The following ECT2L variants were observed in gnomAD, a reference collection of about 807,000 sequenced individuals.
ECT2L encodes epithelial cell-transforming sequence 2 oncogene-like.
In ECT2L, 126 loss-of-function variants were observed where a neutral mutation model predicts 122.8. That is an observed-to-expected ratio of 1.03 (90% CI 0.89 to 1.19). The LOEUF (loss-of-function observed/expected upper bound fraction) is 1.19. Ranked by LOEUF, ECT2L falls within the 50% of genes most tolerant of loss-of-function variation. The probability of loss-of-function intolerance (pLI) is 0.00; values close to 1 mark genes in which losing one functional copy is unlikely to be tolerated. For missense variants in ECT2L, 1,012 were observed against 1,064.1 expected, an observed-to-expected ratio of 0.95 and a Z score of 0.68; for synonymous variants, 385 against 381.8, an observed-to-expected ratio of 1.01 and a Z score of -0.10.
intron 1 of ECT2L, among the ~76,000 whole-genome samples, chr6:138,801,807 G>A (rs1220017434): frequency 6.6e-6 from 1 of 152,054 alleles, no homozygotes; most frequent in East Asian, 1.9e-4. Context: ...GAAAAATACT[G>A]AGTAAATATG....
At chr6:138,806,161 A>T (rs1378140854) in intron 1 of ECT2L, among the ~76,000 whole-genome samples, 1 of 152,178 alleles carries the variant, frequency 6.6e-6, no homozygotes, top group African/African-American at 2.4e-5. Flanking sequence ...GAGACCTGTG[A>T]GCTCAAAAGA....
intron 16 of ECT2L, among the ~76,000 whole-genome samples, chr6:138,883,226 G>C: frequency 6.6e-6 from 1 of 152,184 alleles, no homozygotes; most frequent in Admixed American, 6.5e-5. Flanking sequence ...CTCTCATGTA[G>C]AAAATAAATT....
intron 12 of ECT2L, among the ~76,000 whole-genome samples, chr6:138,866,143 T>C (rs973859212): frequency 6.9e-6 from 1 of 145,838 alleles, no homozygotes; most frequent in Non-Finnish European, 1.5e-5. Flanking sequence ...GAAAGTATTT[T>C]TCATAGTTTT....
intron 1 of ECT2L, among the ~76,000 whole-genome samples, chr6:138,806,369 G>C (rs886721797): frequency 2.0e-5 from 3 of 152,066 alleles, no homozygotes; most frequent in African/African-American, 7.2e-5. Context: ...GTCTCTTTGA[G>C]ACAGGTCCTT....
At position 138,887,551 on chromosome 6, in the gene ECT2L, CAT is replaced by C. The variant is rs1026718821; in HGVS notation, c.2325+632_2325+633del. 6.0e-4 allele frequency among the ~76,000 whole-genome samples: 91 copies of C among 152,298 alleles called. 1 individual carries two copies. Among genetic ancestry groups the C allele is most frequent in the African/African-American group, 2.0e-3 (85 of 41,560 alleles). On this transcript the variant is annotated intron_variant, in intron 19 of 21. Coordinates refer to ENST00000541398, the MANE Select transcript of ECT2L (RefSeq NM_001077706.3). ...GTTCTACTTGTTTTCTATCTCCCTG[CAT>C]ATGATACCTGGTGCAGGATTCTGCA...
chr6:138,861,131 A>T (rs999155393), intron 10 of ECT2L, among the ~76,000 whole-genome samples: 9 of 152,158 alleles, frequency 5.9e-5, no homozygotes, highest in African/African-American at 2.2e-4. Context: ...TCTACGAATG[A>T]TGGACATTTG....
At chr6:138,806,954 GA>G (rs1775730616) in intron 1 of ECT2L, among the ~76,000 whole-genome samples, 1 of 151,566 alleles carries the variant, frequency 6.6e-6, no homozygotes, top group African/African-American at 2.4e-5. Flanking sequence ...GTAAACTAGA[GA>G]AAAAAATGTT....
intron 14 of ECT2L, among the ~76,000 whole-genome samples, chr6:138,877,471 A>G (rs938470643): frequency 4.6e-5 from 7 of 152,228 alleles, no homozygotes; most frequent in Non-Finnish European, 1.0e-4. Flanking sequence ...GTTCAAAATG[A>G]TTATAAATGT....
intron 9 of ECT2L, among the ~76,000 whole-genome samples, chr6:138,851,026 G>C (rs1327909409): frequency 3.4e-5 from 4 of 118,732 alleles, no homozygotes; most frequent in African/African-American, 1.2e-4. Flanking sequence ...AAAAAAAAGA[G>C]AAAGAGAGAA....
chr6:138,889,880 T>G (rs1401275392), intron 20 of ECT2L, among the ~76,000 whole-genome samples: 4 of 152,214 alleles, frequency 2.6e-5, no homozygotes, highest in Non-Finnish European at 4.4e-5. Flanking sequence ...AAGGTTCACA[T>G]AGTAAATATT....
chr6:138,815,637 A>G (rs1226042190), intron 4 of ECT2L, among the ~76,000 whole-genome samples: 1 of 152,210 alleles, frequency 6.6e-6, no homozygotes, highest in Non-Finnish European at 1.5e-5. Flanking sequence ...TCAGTCCTAC[A>G]GAGGAGACTG....
chr6:138,831,814 G>A (rs1271664285), intron 4 of ECT2L, among the ~76,000 whole-genome samples: 9 of 152,126 alleles, frequency 5.9e-5, no homozygotes, highest in Admixed American at 5.9e-4. Context: ...TACAATCACA[G>A]TAAACATGCA....
intron 4 of ECT2L, among the ~76,000 whole-genome samples, chr6:138,828,746 T>C (rs1776545525): frequency 6.6e-6 from 1 of 152,198 alleles, no homozygotes; most frequent in South Asian, 2.1e-4. Context: ...GTTGATTTTA[T>C]TTACCAATTT....
Position 138,847,422 on chromosome 6 carries a change from G to C in ECT2L, c.903+745G>C, listed in dbSNP as rs996645770. Among the ~76,000 whole-genome samples the C allele has an allele frequency of 3.5e-5, 4 of 114,652 alleles. No individual in the cohort carries two copies. The Admixed American group carries it at 3.6e-4, about 10-fold the overall frequency. 75.2% of individuals were successfully genotyped at this position (114,652 alleles called of 152,430 possible). A position where few individuals can be genotyped will look rare whatever the true frequency, so the allele number is the denominator to read the frequency against. ...GTCTCACTCTGTCGCCCAGGCTGGA[G>C]TGCAGTGGCGCAATCTCGGCTCACT... On this transcript the variant is annotated intron_variant, in intron 8 of 21. Transcript: ENST00000541398.
At chr6:138,837,463 T>G (rs1776880071) in intron 4 of ECT2L, among the ~76,000 whole-genome samples, 1 of 152,112 alleles carries the variant, frequency 6.6e-6, no homozygotes. Context: ...CTTCTATACC[T>G]GCTACACATT....
At chr6:138,804,757 A>C (rs749354591) in intron 1 of ECT2L, among the ~76,000 whole-genome samples, 2 of 152,170 alleles carry the variant, frequency 1.3e-5, no homozygotes. Context: ...TTTTTCAATA[A>C]AGTTTTATAA....
rs369050548 is a variant in ECT2L at position 138,799,138 on chromosome 6, TTTTTC to T, written c.-244+2951_-244+2955del. Among the ~76,000 whole-genome samples, 289 of 152,282 alleles carry T rather than the reference TTTTTC, an allele frequency of 1.9e-3. 1 individual carries two copies. Among genetic ancestry groups the T allele is most frequent in the Admixed American group, 0.014 (219 of 15,298 alleles). On this transcript the variant is annotated intron_variant, in intron 1 of 21. Transcript: ENST00000541398. ...TCCTGTAAATTTAATTCGGCTGAAG[TTTTTC>T]TTTTAATATCCTTTTATATCCAATT...
intron 10 of ECT2L, among the ~76,000 whole-genome samples, chr6:138,857,968 G>T (rs770909335): frequency 6.6e-6 from 1 of 152,092 alleles, no homozygotes. Flanking sequence ...TGAGAACTGA[G>T]GAAAAGAGGA....
chr6:138,842,168 G>T (rs865846533), intron 5 of ECT2L, among the ~76,000 whole-genome samples: 82 of 152,206 alleles, frequency 5.4e-4, no homozygotes, highest in African/African-American at 1.8e-3. Context: ...ATTTAAAAAC[G>T]TTATATCTGG....
Sources: allele counts gnomAD v4.1 joint callset (sites outside exome capture counted in the v4.1 genomes callset), GRCh38; gene constraint gnomAD v4.1.1; transcripts MANE v1.5; gene names NCBI Gene and HGNC (gene_info 2026-07-23, HGNC 2026-07-21).